Variants in DOCK3 observed in about 807,000 individuals in gnomAD.
DOCK3 encodes dedicator of cytokinesis protein 3.
DOCK3 carries 60 observed loss-of-function variants against 265.6 expected under a neutral mutation model. That is an observed-to-expected ratio of 0.23 (90% CI 0.18 to 0.28). The LOEUF is 0.28. Ranked by LOEUF, DOCK3 falls within the 10% of genes least tolerant of loss-of-function variation. The pLI is 1.00. For synonymous variants in DOCK3, 881 were observed against 938.0 expected (o/e 0.94, Z 1.11); for missense variants, 1,981 against 2,594.3 (o/e 0.76, Z 5.14).
rs184223418 is a variant in DOCK3 at position 51,291,696 on chromosome 3, C to T, written c.2922+11492C>T. Reference sequence around the variant, plus strand: ...ACAGACAAACTAATAATAATCCTTCCCAAACTTTTCTTAAAAATTGAAGAG... The same window carrying T: ...ACAGACAAACTAATAATAATCCTTCTCAAACTTTTCTTAAAAATTGAAGAG... On this transcript the variant is annotated intron_variant, in intron 27 of 52. Transcript: ENST00000266037. 6.6e-5 allele frequency among the ~76,000 whole-genome samples: 10 copies of T among 152,224 alleles called. No homozygotes were observed. The East Asian group carries it at 1.9e-3, about 29-fold the overall frequency.
intron 20 of DOCK3, 150 bp downstream of exon 20, chr3:51,236,578 C>A: frequency 2.9e-6 from 2 of 695,730 alleles, no homozygotes; most frequent in South Asian, 1.8e-5. Context: ...CCAAGGAAGA[C>A]CAAGCAACCA....
intron 5 of DOCK3, among the ~76,000 whole-genome samples, chr3:50,943,933 G>A (rs555625080): frequency 7.9e-5 from 12 of 152,102 alleles, no homozygotes; most frequent in Non-Finnish European, 1.6e-4. Flanking sequence ...ATTTCAAAGA[G>A]TTGTTAGAGA....
At chr3:51,347,992 A>G (rs1401524818) in intron 38 of DOCK3, among the ~76,000 whole-genome samples, 1 of 152,184 alleles carries the variant, frequency 6.6e-6, no homozygotes, top group Non-Finnish European at 1.5e-5. Flanking sequence ...TTGATTTTGT[A>G]TCCTGAGACT....
At chr3:51,126,363 A>G (rs899210331) in intron 9 of DOCK3, among the ~76,000 whole-genome samples, 1 of 152,196 alleles carries the variant, frequency 6.6e-6, no homozygotes, top group Non-Finnish European at 1.5e-5. Flanking sequence ...CTTTTTTGGC[A>G]TCGGGGGCCA....
intron 2 of DOCK3, chr3:50,787,500 A>C (rs1280696691): frequency 3.9e-6 from 2 of 509,556 alleles, no homozygotes; most frequent in Admixed American, 6.1e-5. Flanking sequence ...GCGCCATTGC[A>C]CTCCAGCCTG....
chr3:51,251,758 T>C (rs867864686), intron 22 of DOCK3, among the ~76,000 whole-genome samples: 4 of 152,378 alleles, frequency 2.6e-5, no homozygotes, highest in South Asian at 4.1e-4. Flanking sequence ...ATTTTGGATA[T>C]TAGCCGTTTG....
rs1436082089 is a variant in DOCK3 at position 50,860,067 on chromosome 3, A to G, written c.162+18352A>G. Among the ~76,000 whole-genome samples the G allele has an allele frequency of 3.3e-5, 5 of 152,136 alleles. No individual in the cohort carries two copies. The East Asian group carries it at 9.6e-4, about 29-fold the overall frequency. ...TGGGGACCCCAACCCAGAGAGATGC[A>G]GGTCAGAATTTGCTCAGTGCAGTCA... On this transcript the variant is annotated intron_variant, in intron 3 of 52. Coordinates refer to ENST00000266037, the MANE Select transcript of DOCK3 (RefSeq NM_004947.5).
chr3:51,219,859 A>T (rs2089986336), intron 14 of DOCK3, among the ~76,000 whole-genome samples: 1 of 152,180 alleles, frequency 6.6e-6, no homozygotes, highest in Non-Finnish European at 1.5e-5. Context: ...GAATAATCAC[A>T]TCTAGTCTCA....
At chr3:51,056,802 T>G (rs1268436399) in intron 5 of DOCK3, among the ~76,000 whole-genome samples, 1 of 152,126 alleles carries the variant, frequency 6.6e-6, no homozygotes, top group African/African-American at 2.4e-5. Flanking sequence ...TACTTATGTA[T>G]AAAGGAATAT....
At chr3:50,914,880 G>T (rs573078671) in intron 4 of DOCK3, among the ~76,000 whole-genome samples, 7 of 152,160 alleles carry the variant, frequency 4.6e-5, no homozygotes, top group Non-Finnish European at 8.8e-5. Context: ...TGTCATGTTT[G>T]ACATGGCCTA....
chr3:51,113,349 C>T (rs945341414), intron 9 of DOCK3, among the ~76,000 whole-genome samples: 1 of 152,088 alleles, frequency 6.6e-6, no homozygotes, highest in African/African-American at 2.4e-5. Context: ...TTTCAGGACC[C>T]CAGTGACTGA....
At chr3:51,372,847 C>A (rs949366911) in intron 49 of DOCK3, among the ~76,000 whole-genome samples, 1 of 152,154 alleles carries the variant, frequency 6.6e-6, no homozygotes, top group Non-Finnish European at 1.5e-5. Context: ...TTTTTCATTT[C>A]TCTTTACATA....
chr3:50,844,028 A>T (rs1019603868), intron 3 of DOCK3, among the ~76,000 whole-genome samples: 1 of 152,196 alleles, frequency 6.6e-6, no homozygotes. Flanking sequence ...CTAAGAAGTG[A>T]TCTTATTTCA....
intron 4 of DOCK3, among the ~76,000 whole-genome samples, chr3:50,928,282 C>T (rs2108108693): frequency 6.6e-6 from 1 of 152,070 alleles, no homozygotes; most frequent in East Asian, 1.9e-4. Context: ...GAATCTTTGT[C>T]CCTGTTAAAC....
chr3:51,305,735 C>CGTGTGTGTGT (rs113288288), intron 27 of DOCK3, among the ~76,000 whole-genome samples: 13 of 137,662 alleles, frequency 9.4e-5, no homozygotes, highest in African/African-American at 2.5e-4. Context: ...TGTGTGTGCG[C>CGTGTGTGTGT]GTGTGTGTGT....
At chr3:50,757,239 C>T (rs6783865) in intron 1 of DOCK3, among the ~76,000 whole-genome samples, 124,483 of 146,672 alleles carry the variant, frequency 0.85, 53,087 homozygotes, top group East Asian at 0.95. Context: ...GGTGTGATCT[C>T]GGCTCACTGC....
chr3:51,031,973 T>C (rs1327447303), intron 5 of DOCK3, among the ~76,000 whole-genome samples: 2 of 152,214 alleles, frequency 1.3e-5, no homozygotes, highest in African/African-American at 4.8e-5. Context: ...CTTCCAGAAT[T>C]GTGAAAAATA....
intron 42 of DOCK3, 25 bp from the exon 43 acceptor site, chr3:51,356,382 A>G (rs764270468): frequency 1.2e-6 from 2 of 1,613,260 alleles, no homozygotes; most frequent in Non-Finnish European, 8.5e-7. Context: ...CTAACTGCCC[A>G]TACCTGCCTG....
intron 1 of DOCK3, among the ~76,000 whole-genome samples, chr3:50,677,463 A>G (rs527641706): frequency 2.0e-5 from 3 of 152,344 alleles, no homozygotes; most frequent in African/African-American, 7.2e-5. Context: ...TTTGATTGCT[A>G]TGAGGGCTAG....
Sources: gnomAD v4.1 joint callset for allele counts (sites outside exome capture counted in the v4.1 genomes callset) on GRCh38, gnomAD v4.1.1 for gene constraint, MANE v1.5 for transcripts, NCBI Gene and HGNC (gene_info 2026-07-23, HGNC 2026-07-21) for gene names.